Variants in CHST8 observed in about 807,000 individuals in gnomAD.
The protein encoded by CHST8 is GALNAC-4-ST1.
In CHST8, 10 loss-of-function variants were observed where a neutral mutation model predicts 15.0. The ratio of observed to expected loss-of-function variants is 0.67; its 90% confidence interval spans 0.41 to 1.13. The LOEUF is 1.13. Ranked by LOEUF, CHST8 falls within the 50% of genes most tolerant of loss-of-function variation. The pLI, the probability that CHST8 is intolerant of heterozygous loss-of-function variation, is 0.00. For synonymous variants in CHST8, 259 were observed against 256.6 expected (o/e 1.01, Z -0.09); for missense variants, 634 against 608.2 (o/e 1.04, Z -0.45).
rs1224366068 is a variant in CHST8 at position 33,771,438 on chromosome 19, G to T, written c.156G>T (p.Arg52Ser). The change falls in exon 4 of 5, where the codon AGG becomes AGT. Residue 52 changes from arginine to serine, a missense_variant. Coordinates refer to ENST00000650847, the MANE Select transcript of CHST8 (RefSeq NM_001127895.2). ...GAATAAAGTTCAACATCAGGCCAAG[G>T]CAGCCCCACCACGTAAGTTCTGAGA... is the stretch of plus-strand genomic sequence containing the variant. ...VPGIKFNIRP[R>S]QPHHDLPPGG... 3 of 1,614,120 alleles carry T rather than the reference G, an allele frequency of 1.9e-6. No individual in the cohort carries two copies. The Admixed American group carries it at 5.0e-5, about 27-fold the overall frequency.
chr19:33,739,019 A>T (rs1974137628), intron 3 of CHST8, among the ~76,000 whole-genome samples: 1 of 152,172 alleles, frequency 6.6e-6, no homozygotes, highest in South Asian at 2.1e-4. Context: ...AGGGTTCCCC[A>T]GTATGGGCCG....
chr19:33,640,775 C>A (rs1044906125), intron 1 of CHST8, among the ~76,000 whole-genome samples: 5 of 152,122 alleles, frequency 3.3e-5, no homozygotes, highest in African/African-American at 9.7e-5. Context: ...CAAGAAGGAA[C>A]CTCCCTCCTC....
chr19:33,696,279 C>T (rs1973216279), intron 3 of CHST8, among the ~76,000 whole-genome samples: 1 of 151,958 alleles, frequency 6.6e-6, no homozygotes. Context: ...AGTGGGATTC[C>T]TGGATTGAAT....
At position 33,766,289 on chromosome 19, in the gene CHST8, G is replaced by T. The variant is rs117095115; in HGVS notation, c.131-5124G>T. Among the ~76,000 whole-genome samples, 574 of 151,616 alleles carry T rather than the reference G, an allele frequency of 3.8e-3. 4 individuals carry two copies. The highest frequency in any genetic ancestry group is 6.2e-3 in the Admixed American group (95 of 15,232). On this transcript the variant is annotated intron_variant, in intron 3 of 4. Coordinates refer to ENST00000650847, the MANE Select transcript of CHST8 (RefSeq NM_001127895.2). ...CATATATATCACCTGTGGGCTCTCTGTCTCTCTGATAACCCTAACTAGCAT... is the reference window on the plus strand; with the variant it reads ...CATATATATCACCTGTGGGCTCTCTTTCTCTCTGATAACCCTAACTAGCAT...
intron 3 of CHST8, among the ~76,000 whole-genome samples, chr19:33,749,336 A>G (rs914884349): frequency 6.6e-6 from 1 of 152,050 alleles, no homozygotes; most frequent in Non-Finnish European, 1.5e-5. Context: ...ATCAGTGTCA[A>G]GCTGGGGCAA....
At chr19:33,641,156 T>C (rs990841726) in intron 1 of CHST8, among the ~76,000 whole-genome samples, 10 of 152,192 alleles carry the variant, frequency 6.6e-5, no homozygotes, top group Non-Finnish European at 1.0e-4. Context: ...CGCAGGTGGC[T>C]GTCCCGAGAG....
intron 3 of CHST8, among the ~76,000 whole-genome samples, chr19:33,733,882 G>A (rs965860762): frequency 3.3e-5 from 5 of 152,224 alleles, no homozygotes; most frequent in Non-Finnish European, 7.3e-5. Context: ...CATAACTGCA[G>A]CCTGCTGCAG....
At chr19:33,746,907 A>G (rs1974324906) in intron 3 of CHST8, among the ~76,000 whole-genome samples, 1 of 151,972 alleles carries the variant, frequency 6.6e-6, no homozygotes, top group African/African-American at 2.4e-5. Context: ...GCATCCTGCC[A>G]AGCAATATGA....
chr19:33,757,404 AAG>A (rs1311795436), intron 3 of CHST8, among the ~76,000 whole-genome samples: 1 of 5,260 alleles, frequency 1.9e-4, no homozygotes, highest in East Asian at 6.4e-3. Flanking sequence ...GAAAGAAAGA[AAG>A]AAAGAAAGAA....
chr19:33,763,899 G>T (rs991453738), intron 3 of CHST8, among the ~76,000 whole-genome samples: 3 of 152,196 alleles, frequency 2.0e-5, no homozygotes, highest in Non-Finnish European at 4.4e-5. Context: ...GGTGTGGCCC[G>T]GTCCCAAAGC....
chr19:33,693,561 T>C (rs1973141058), intron 3 of CHST8, among the ~76,000 whole-genome samples: 1 of 152,230 alleles, frequency 6.6e-6, no homozygotes, highest in Non-Finnish European at 1.5e-5. Flanking sequence ...ATCTGTAAGT[T>C]TCCTTCTCCA....
intron 3 of CHST8, among the ~76,000 whole-genome samples, chr19:33,695,108 A>T (rs1181773343): frequency 6.6e-6 from 1 of 151,928 alleles, no homozygotes; most frequent in Non-Finnish European, 1.5e-5. Context: ...CACTACACCC[A>T]GCTATTTATT....
At chr19:33,688,497 C>G (rs531949635) in intron 2 of CHST8, among the ~76,000 whole-genome samples, 1 of 152,276 alleles carries the variant, frequency 6.6e-6, no homozygotes, top group Admixed American at 6.5e-5. Flanking sequence ...CAAAGGGCCT[C>G]GAGCACAGGG....
intron 1 of CHST8, among the ~76,000 whole-genome samples, chr19:33,658,347 C>A (rs1176705398): frequency 6.6e-6 from 1 of 152,104 alleles, no homozygotes; most frequent in Non-Finnish European, 1.5e-5. Flanking sequence ...CCCAAAAAAA[C>A]CCATATTTAC....
At chr19:33,756,862 C>A (rs1165360817) in intron 3 of CHST8, among the ~76,000 whole-genome samples, 2 of 152,242 alleles carry the variant, frequency 1.3e-5, no homozygotes, top group Non-Finnish European at 2.9e-5. Flanking sequence ...CCCAACCCTG[C>A]AGTCAGCACC....
rs140779089 is a variant in CHST8, at chr19:33,662,030, T to C, written c.-163-5737T>C. ...CAGCCTGGACAACAGAGTGAGACCC[T>C]GTCTCAAAAATGAATAAATAAAAGG... On this transcript the variant is annotated intron_variant, in intron 1 of 4. Coordinates refer to ENST00000650847, the MANE Select transcript of CHST8 (RefSeq NM_001127895.2). Among the ~76,000 whole-genome samples, 612 of 152,182 alleles carry C rather than the reference T, an allele frequency of 4.0e-3. 13 individuals are homozygous for C. The highest frequency in any genetic ancestry group is 0.029 in the East Asian group (147 of 5,134).
intron 2 of CHST8, among the ~76,000 whole-genome samples, chr19:33,681,695 G>A (rs1190780995): frequency 6.6e-6 from 1 of 152,122 alleles, no homozygotes; most frequent in African/African-American, 2.4e-5. Flanking sequence ...TCTACAGCAG[G>A]TATTTTGGAT....
intron 3 of CHST8, among the ~76,000 whole-genome samples, chr19:33,749,144 C>T (rs1974367620): frequency 6.6e-6 from 1 of 152,082 alleles, no homozygotes; most frequent in Admixed American, 6.5e-5. Flanking sequence ...CCGGGGCTCC[C>T]CCACCTCACC....
chr19:33,719,869 G>A lies in CHST8; in HGVS notation c.130+30478G>A, dbSNP rs114095826. On this transcript the variant is annotated intron_variant, in intron 3 of 4. Coordinates refer to ENST00000650847, the MANE Select transcript of CHST8 (RefSeq NM_001127895.2). Reference sequence around the variant, plus strand: ...AGCAGCTCTCTTGAAGGCCAGGGAAGCCAGCCCGTCCGTGACCTCTGTGAC... The same window carrying A: ...AGCAGCTCTCTTGAAGGCCAGGGAAACCAGCCCGTCCGTGACCTCTGTGAC... Among the ~76,000 whole-genome samples the A allele has an allele frequency of 5.6e-3, 847 of 152,262 alleles. 11 individuals carry two copies. Among genetic ancestry groups the A allele is most frequent in the African/African-American group, 0.02 (819 of 41,532 alleles).
Sources: gnomAD v4.1 joint callset for allele counts (sites outside exome capture counted in the v4.1 genomes callset) on GRCh38, gnomAD v4.1.1 for gene constraint, MANE v1.5 for transcripts, NCBI Gene and HGNC (gene_info 2026-07-23, HGNC 2026-07-21) for gene names.